RASGEF1C: variants seen among roughly 807,000 people sequenced by gnomAD.
The protein encoded by RASGEF1C is ras-GEF domain-containing family member 1C.
RASGEF1C carries 27 observed loss-of-function variants against 58.1 expected under a neutral mutation model. That is an observed-to-expected ratio of 0.46 (90% CI 0.34 to 0.64). RASGEF1C has a LOEUF of 0.64. RASGEF1C is among the 30% of genes least tolerant of loss of function. The pLI, the probability that RASGEF1C is intolerant of heterozygous loss-of-function variation, is 0.01. For missense variants in RASGEF1C, 502 were observed against 605.1 expected (o/e 0.83, Z 1.79); for synonymous variants, 243 against 246.3 (o/e 0.99, Z 0.13).
At chr5:180,173,322 G>A (rs889536411) in intron 1 of RASGEF1C, among the ~76,000 whole-genome samples, 4 of 152,090 alleles carry the variant, frequency 2.6e-5, no homozygotes, top group Non-Finnish European at 4.4e-5. Context: ...CACTGTCTCC[G>A]TCACCTGCTC....
chr5:180,145,359 G>A (rs2113286101), intron 1 of RASGEF1C, among the ~76,000 whole-genome samples: 1 of 152,312 alleles, frequency 6.6e-6, no homozygotes, highest in East Asian at 1.9e-4. Flanking sequence ...GACCTTAGGT[G>A]ATCTGCCCGC....
In RASGEF1C at chr5:180,137,704, G is replaced by A; in HGVS notation, c.186C>T (p.Tyr62=). ...GAGAGCTCAGCAGGAAGGTGAAGAT[G>A]TAGGCTTTCTGGGGGACACACGAGA... The part of the protein sequence containing the change: ...PTADYYPEKA[Y]IFTFLLSSRL... Residue 62 remains tyrosine, a synonymous_variant, in exon 3 of 14, where the codon TAC becomes TAT. Transcript: ENST00000361132. The surrounding 1 kb of genome is among the most constrained non-coding windows in gnomAD (Gnocchi z 4.1). 1 of 1,613,054 alleles carries A rather than the reference G, an allele frequency of 6.2e-7. No homozygotes were observed. Among genetic ancestry groups the A allele is most frequent in the Non-Finnish European group, 8.5e-7 (1 of 1,179,994 alleles).
At chr5:180,199,689 CCCCT>C (rs1204256891) in intron 1 of RASGEF1C, among the ~76,000 whole-genome samples, 4 of 139,520 alleles carry the variant, frequency 2.9e-5, no homozygotes, top group Non-Finnish European at 3.1e-5. Context: ...CCCTTCCCCT[CCCCT>C]CCCTCCCTCC....
intron 11 of RASGEF1C, 133 bp from the exon 12 acceptor site, chr5:180,111,713 G>C: frequency 2.2e-6 from 2 of 914,376 alleles, no homozygotes; most frequent in Non-Finnish European, 3.4e-6. Context: ...AGCAGGGGGC[G>C]ATAAATGAGG....
chr5:180,120,578 G>T (rs934331307), intron 7 of RASGEF1C, among the ~76,000 whole-genome samples: 1 of 152,198 alleles, frequency 6.6e-6, no homozygotes, highest in African/African-American at 2.4e-5. Context: ...AGGCGGGACC[G>T]CGACTCAGGG....
At chr5:180,207,743 C>T (rs182729743) in intron 1 of RASGEF1C, among the ~76,000 whole-genome samples, 2 of 152,292 alleles carry the variant, frequency 1.3e-5, no homozygotes, top group Admixed American at 1.3e-4. Flanking sequence ...GACCCTGTAG[C>T]GTCTCAGCTC....
rs1370641376 is a variant in RASGEF1C, at chr5:180,158,956, C to T, written c.-6-20898G>A. Among the ~76,000 whole-genome samples, 4 of 152,026 alleles carry T rather than the reference C, an allele frequency of 2.6e-5. No individual in the cohort carries two copies. The highest frequency in any genetic ancestry group is 9.7e-5 in the African/African-American group (4 of 41,396). On this transcript the variant is annotated intron_variant, in intron 1 of 13. Coordinates refer to ENST00000361132, the MANE Select transcript of RASGEF1C (RefSeq NM_175062.4). This position sits in a 1 kb window ranked among gnomAD's most constrained non-coding sequence, Gnocchi z 4.0. Reference sequence around the variant, plus strand: ...TACTTTCCATTACAAAATCTTCGTGCTCTACTTTCTGAAAGCATTTCAATT... The same window carrying T: ...TACTTTCCATTACAAAATCTTCGTGTTCTACTTTCTGAAAGCATTTCAATT...
intron 1 of RASGEF1C, among the ~76,000 whole-genome samples, chr5:180,181,400 A>G (rs147245015): frequency 4.4e-4 from 67 of 152,298 alleles, no homozygotes; most frequent in Non-Finnish European, 5.7e-4. Context: ...CTCACCTCCA[A>G]TATCTCCAAA....
chr5:180,113,439 C>T (rs1164652220), intron 11 of RASGEF1C, among the ~76,000 whole-genome samples: 2 of 16,318 alleles, frequency 1.2e-4, no homozygotes, highest in Admixed American at 7.7e-4. Context: ...TGGAGGGATC[C>T]GGGATGGACG....
At chr5:180,107,898 A>C (rs1765896401) in intron 12 of RASGEF1C, among the ~76,000 whole-genome samples, 1 of 152,210 alleles carries the variant, frequency 6.6e-6, no homozygotes, top group Admixed American at 6.5e-5. Flanking sequence ...CTGAGATTAC[A>C]GGTATGAGCC....
intron 1 of RASGEF1C, among the ~76,000 whole-genome samples, chr5:180,196,553 TTTC>T (rs1260700904): frequency 6.6e-6 from 1 of 151,962 alleles, no homozygotes; most frequent in African/African-American, 2.4e-5. Flanking sequence ...AGGTTTTGTA[TTTC>T]TTCTTATGTC....
chr5:180,137,760 A>T lies in RASGEF1C; in HGVS notation c.178-48T>A. On this transcript the variant is annotated intron_variant, in intron 2 of 13. Coordinates refer to ENST00000361132, the MANE Select transcript of RASGEF1C (RefSeq NM_175062.4). This position sits in a 1 kb window ranked among gnomAD's most constrained non-coding sequence, Gnocchi z 4.1. ...GGCACAGGCTCAGGAGGGCACCAGG[A>T]GGGGCATGCTTCCCAGCTGGCCCTG... 6.2e-7 allele frequency: 1 copy of T among 1,608,900 alleles called. No individual in the cohort carries two copies. Among genetic ancestry groups the T allele is most frequent in the Non-Finnish European group, 8.5e-7 (1 of 1,177,380 alleles).
At chr5:180,146,288 G>C (rs1483659240) in intron 1 of RASGEF1C, among the ~76,000 whole-genome samples, 1 of 152,146 alleles carries the variant, frequency 6.6e-6, no homozygotes, top group African/African-American at 2.4e-5. Flanking sequence ...GACTACAGGT[G>C]CATGCCACCA....
At chr5:180,184,711 A>G (rs1367203529) in intron 1 of RASGEF1C, among the ~76,000 whole-genome samples, 1 of 152,262 alleles carries the variant, frequency 6.6e-6, no homozygotes, top group Non-Finnish European at 1.5e-5. Context: ...TAAAAGTGAA[A>G]GTATGTAAAA....
intron 1 of RASGEF1C, among the ~76,000 whole-genome samples, chr5:180,173,641 A>T (rs138723036): frequency 3.9e-5 from 6 of 152,276 alleles, no homozygotes; most frequent in South Asian, 2.1e-4. Flanking sequence ...TTGGCCGGGC[A>T]CGGTGGCTCC....
chr5:180,137,924 C>G lies in RASGEF1C; in HGVS notation c.129G>C (p.Leu43=). 6.2e-7 allele frequency: 1 copy of G among 1,613,254 alleles called. No homozygotes were observed. The highest frequency in any genetic ancestry group is 1.1e-5 in the South Asian group (1 of 91,038). The part of the protein sequence containing the change: ...LLDGAPSSAS[L]ETLIQHLVPT... ...GCACCAGGTGCTGGATCAGTGTTTC[C>G]AGGGAGGCTGAGGATGGCGCTCCAT... The change falls in exon 2 of 14, where the codon CTG becomes CTC. Residue 43 remains leucine (L), a synonymous_variant. Transcript: ENST00000361132. This position sits in a 1 kb window ranked among gnomAD's most constrained non-coding sequence, Gnocchi z 4.1.
chr5:180,136,938 A>T (rs974415152), intron 3 of RASGEF1C, among the ~76,000 whole-genome samples: 2 of 152,260 alleles, frequency 1.3e-5, no homozygotes, highest in Admixed American at 1.3e-4. Flanking sequence ...CTGGGCCAGT[A>T]GAGAAAAGGA....
intron 12 of RASGEF1C, among the ~76,000 whole-genome samples, chr5:180,108,176 A>T (rs1397571808): frequency 6.6e-6 from 1 of 151,226 alleles, no homozygotes; most frequent in Non-Finnish European, 1.5e-5. Flanking sequence ...GGTCCCTGAA[A>T]ATATGTTTCA....
intron 12 of RASGEF1C, among the ~76,000 whole-genome samples, chr5:180,104,827 GTTCAT>G (rs1331382602): frequency 5.3e-5 from 8 of 152,170 alleles, no homozygotes; most frequent in Admixed American, 2.0e-4. Context: ...TAAGGAATTA[GTTCAT>G]TTCATTTAAA....
Sources: gnomAD v4.1 joint callset for allele counts (sites outside exome capture counted in the v4.1 genomes callset) on GRCh38, gnomAD v4.1.1 for gene constraint, Gnocchi (gnomAD v3.1) non-coding constraint, MANE v1.5 for transcripts, NCBI Gene and HGNC (gene_info 2026-07-23, HGNC 2026-07-21) for gene names.